ADGRL2: variants seen among roughly 807,000 people sequenced by gnomAD.
ADGRL2 encodes calcium-independent alpha-latrotoxin receptor 2.
ADGRL2 carries 44 observed loss-of-function variants against 157.4 expected under a neutral mutation model. The observed-to-expected ratio is 0.28, with a 90% CI of 0.22 to 0.36. The LOEUF is 0.36. Among genes scored for constraint, ADGRL2 ranks in the 10% least tolerant of loss-of-function variants. The pLI, the probability that ADGRL2 is intolerant of heterozygous loss-of-function variation, is 1.00. For missense variants in ADGRL2, 1,510 were observed against 1,768.9 expected, an observed-to-expected ratio of 0.85 and a Z score of 2.63; for synonymous variants, 585 against 624.7, an observed-to-expected ratio of 0.94 and a Z score of 0.95.
intron 11 of ADGRL2, among the ~76,000 whole-genome samples, chr1:81,962,435 T>C (rs1261323138): frequency 6.6e-6 from 1 of 152,206 alleles, no homozygotes; most frequent in African/African-American, 2.4e-5. Flanking sequence ...TTATTCTGTC[T>C]GGGCTTTCTC....
At chr1:81,896,108 G>A (rs547990915) in intron 2 of ADGRL2, among the ~76,000 whole-genome samples, 1 of 152,224 alleles carries the variant, frequency 6.6e-6, no homozygotes, top group Non-Finnish European at 1.5e-5. Context: ...ATAACATAGA[G>A]TTGGAAATAA....
chr1:81,702,619 A>G (rs2083609084), intron 1 of ADGRL2, among the ~76,000 whole-genome samples: 1 of 152,210 alleles, frequency 6.6e-6, no homozygotes. Context: ...TCATGGTCAG[A>G]CACACATGAT....
rs569455539 is a variant in ADGRL2 at position 81,336,544 on chromosome 1, G to T, written c.-302+30035G>T. 1.3e-4 allele frequency among the ~76,000 whole-genome samples: 20 copies of T among 152,210 alleles called. No homozygotes were observed. In the South Asian group the frequency reaches 4.2e-3, roughly 32 times the overall value. On this transcript the variant is annotated intron_variant, in intron 1 of 24. Transcript: ENST00000370721. ...TGTGCTGATTGCCCAGGTCCCTGAG[G>T]ATCGCCAATGTGAAGTGCACTAGAC...
chr1:81,930,761 T>C (rs1317727929), intron 3 of ADGRL2, among the ~76,000 whole-genome samples: 4 of 152,166 alleles, frequency 2.6e-5, no homozygotes, highest in Non-Finnish European at 5.9e-5. Flanking sequence ...ATTCCAGAAT[T>C]GAACCATTGA....
chr1:81,306,801 A>G (rs1488582865), intron 1 of ADGRL2, among the ~76,000 whole-genome samples: 1 of 152,222 alleles, frequency 6.6e-6, no homozygotes, highest in African/African-American at 2.4e-5. Context: ...TTAGAAAAAC[A>G]TTAATTTCTC....
At chr1:81,970,080 T>G (rs1017863290) in intron 15 of ADGRL2, among the ~76,000 whole-genome samples, 2 of 152,154 alleles carry the variant, frequency 1.3e-5, no homozygotes, top group African/African-American at 2.4e-5. Flanking sequence ...TCTTCCTTGA[T>G]GAAACCTAGC....
chr1:81,681,378 T>C (rs533141340), intron 3 of ADGRL2, among the ~76,000 whole-genome samples: 1 of 152,338 alleles, frequency 6.6e-6, no homozygotes, highest in South Asian at 2.1e-4. Context: ...TCCTGTCTTC[T>C]GTTTGAAAGC....
intron 1 of ADGRL2, among the ~76,000 whole-genome samples, chr1:81,732,048 C>T (rs2084743981): frequency 6.6e-6 from 1 of 152,176 alleles, no homozygotes; most frequent in Non-Finnish European, 1.5e-5. Flanking sequence ...CTACTTATTG[C>T]TGTTAACACA....
rs147187013 is a variant in ADGRL2, at chr1:81,369,323, A to G, written c.-302+62814A>G. 1.0e-3 allele frequency among the ~76,000 whole-genome samples: 159 copies of G among 152,316 alleles called. 2 individuals are homozygous for G. The East Asian group carries it at 0.026, about 25-fold the overall frequency. On this transcript the variant is annotated intron_variant, in intron 1 of 24. Transcript: ENST00000370721. ...GTTTTCAAAACTTATAGACTTGAAA[A>G]AATACAGTCTATATATACATAGCTT...
chr1:81,844,381 A>T (rs1036596151), intron 2 of ADGRL2, among the ~76,000 whole-genome samples: 1 of 152,142 alleles, frequency 6.6e-6, no homozygotes, highest in African/African-American at 2.4e-5. Context: ...CATTTTTTGA[A>T]TTAATACACT....
intron 3 of ADGRL2, among the ~76,000 whole-genome samples, chr1:81,625,195 A>C (rs1329569881): frequency 1.3e-5 from 2 of 152,208 alleles, no homozygotes; most frequent in Non-Finnish European, 2.9e-5. Context: ...AATGCTTATC[A>C]GGAGAAAACC....
At chr1:81,859,479 C>T (rs2093321978) in intron 2 of ADGRL2, among the ~76,000 whole-genome samples, 1 of 149,568 alleles carries the variant, frequency 6.7e-6, no homozygotes, top group Non-Finnish European at 1.5e-5. Context: ...TGATTTCTGC[C>T]TACTGCAACC....
intron 1 of ADGRL2, among the ~76,000 whole-genome samples, chr1:81,803,983 G>A (rs2088727603): frequency 6.6e-6 from 1 of 152,166 alleles, no homozygotes; most frequent in African/African-American, 2.4e-5. Flanking sequence ...CTCTTGCTAA[G>A]TCAGGTTTGA....
intron 1 of ADGRL2, among the ~76,000 whole-genome samples, chr1:81,724,115 A>G (rs1273100111): frequency 6.6e-6 from 1 of 152,080 alleles, no homozygotes; most frequent in East Asian, 1.9e-4. Flanking sequence ...AGCATATTTA[A>G]TGCTGTGTTT....
chr1:81,678,258 G>A (rs2083036898), intron 3 of ADGRL2, among the ~76,000 whole-genome samples: 1 of 152,128 alleles, frequency 6.6e-6, no homozygotes, highest in South Asian at 2.1e-4. Context: ...AATACTTACT[G>A]AATTAACAAT....
intron 2 of ADGRL2, among the ~76,000 whole-genome samples, chr1:81,779,754 T>A (rs1031270443): frequency 6.6e-6 from 1 of 152,228 alleles, no homozygotes; most frequent in South Asian, 2.1e-4. Context: ...AATCAAACTC[T>A]AAGAGCATAT....
At chr1:81,442,007 C>A (rs998909207) in intron 1 of ADGRL2, among the ~76,000 whole-genome samples, 1 of 152,042 alleles carries the variant, frequency 6.6e-6, no homozygotes, top group South Asian at 2.1e-4. Context: ...TTAATTTTTA[C>A]AATTTTTATA....
In ADGRL2 at chr1:81,596,732, A is replaced by G. The variant is rs111388458; in HGVS notation, c.-143+15752A>G. On this transcript the variant is annotated intron_variant, in intron 3 of 24. Coordinates refer to the ADGRL2 transcript ENST00000370721. ...TGAGGTGATTAAAATGTATCAAGCAACAGAAACTTTTGGCACAACGAATTT... is the reference window on the plus strand; with the variant it reads ...TGAGGTGATTAAAATGTATCAAGCAGCAGAAACTTTTGGCACAACGAATTT... Among the ~76,000 whole-genome samples, 332 of 152,234 alleles carry G rather than the reference A, an allele frequency of 2.2e-3. 1 individual carries two copies. The highest frequency in any genetic ancestry group is 7.7e-3 in the African/African-American group (321 of 41,554).
intron 3 of ADGRL2, among the ~76,000 whole-genome samples, chr1:81,924,648 T>C (rs2095063746): frequency 6.6e-6 from 1 of 152,042 alleles, no homozygotes; most frequent in African/African-American, 2.4e-5. Context: ...AGATCGGTGA[T>C]TTTTAAACTG....
Sources: allele counts gnomAD v4.1 joint callset (sites outside exome capture counted in the v4.1 genomes callset), GRCh38; gene constraint gnomAD v4.1.1; transcripts MANE v1.5; gene names NCBI Gene and HGNC (gene_info 2026-07-23, HGNC 2026-07-21).